NEK10: variants seen among roughly 807,000 people sequenced by gnomAD.
NEK10 encodes NIMA related kinase 10, also known as serine/threonine-protein kinase Nek10.
A neutral mutation model predicts 159.8 loss-of-function variants in NEK10; 122 were observed. The observed-to-expected ratio is 0.76, with a 90% CI of 0.66 to 0.89. NEK10 has a LOEUF of 0.89. Among genes scored for constraint, NEK10 ranks in the 40% least tolerant of loss-of-function variants. NEK10 has a pLI of 0.00. For missense variants in NEK10, 1,342 were observed against 1,323.1 expected (o/e 1.01, Z -0.22); for synonymous variants, 466 against 457.1 (o/e 1.02, Z -0.25).
intron 1 of NEK10, among the ~76,000 whole-genome samples, chr3:27,364,348 TTGTGTGTG>T (rs4016621): frequency 0.18 from 21,149 of 120,244 alleles, 2,391 homozygotes; most frequent in East Asian, 0.43. Flanking sequence ...GCCTGGCTAA[TTGTGTGTG>T]TGTGTGTGTG....
At chr3:27,355,436 C>G (rs1350261712) in intron 1 of NEK10, among the ~76,000 whole-genome samples, 1 of 152,066 alleles carries the variant, frequency 6.6e-6, no homozygotes, top group Admixed American at 6.6e-5. Context: ...ACCCCCACCC[C>G]CTAGTAACAA....
chr3:27,197,214 C>T (rs1003381335), intron 25 of NEK10, among the ~76,000 whole-genome samples: 145 of 151,878 alleles, frequency 9.5e-4, no homozygotes, highest in African/African-American at 3.2e-3. Context: ...TTGCTCTTTT[C>T]ACCCAGGCTA....
At chr3:27,130,409 GT>G (rs1942479209) in intron 32 of NEK10, among the ~76,000 whole-genome samples, 1 of 152,182 alleles carries the variant, frequency 6.6e-6, no homozygotes, top group Non-Finnish European at 1.5e-5. Context: ...AAGACAAGGA[GT>G]GGGTGGGAGA....
At chr3:27,120,898 A>T (rs937747957) in intron 32 of NEK10, among the ~76,000 whole-genome samples, 4 of 152,216 alleles carry the variant, frequency 2.6e-5, no homozygotes, top group African/African-American at 9.7e-5. Context: ...ATATAAATTC[A>T]TAATAATAAG....
intron 5 of NEK10, among the ~76,000 whole-genome samples, chr3:27,336,154 T>C (rs1214144186): frequency 6.6e-6 from 1 of 151,494 alleles, no homozygotes; most frequent in Non-Finnish European, 1.5e-5. Flanking sequence ...AAATCAGAAA[T>C]GGAAAAGGAG....
chr3:27,109,712 A>G lies in NEK10; in HGVS notation c.*1560T>C, dbSNP rs2125385614. Among the ~76,000 whole-genome samples, 1 of 152,284 alleles carries G rather than the reference A, an allele frequency of 6.6e-6. No homozygotes were observed. The highest frequency in any genetic ancestry group is 6.5e-5 in the Admixed American group (1 of 15,288). The stretch of plus-strand genomic sequence containing the variant: ...CAAATTAACTTGGAACAGAAATAAA[A>G]TTTTGCCTGGGTAAATCAATATCAT... On this transcript the variant is annotated 3_prime_UTR_variant, in exon 36 of 36. Coordinates refer to ENST00000691995, the MANE Select transcript of NEK10 (RefSeq NM_001394966.1).
At chr3:27,200,520 C>T (rs757137282) in intron 25 of NEK10, among the ~76,000 whole-genome samples, 10 of 152,122 alleles carry the variant, frequency 6.6e-5, no homozygotes, top group Non-Finnish European at 1.5e-4. Flanking sequence ...ATACACGAGT[C>T]ATTTATTCAT....
intron 35 of NEK10, 122 bp downstream of exon 35, chr3:27,115,818 T>C (rs1042661938): frequency 1.7e-5 from 12 of 704,536 alleles, no homozygotes; most frequent in Middle Eastern, 4.0e-4. Flanking sequence ...AGATATTTTA[T>C]AAAAGTATTT....
At position 27,307,922 on chromosome 3, in the gene NEK10, C is replaced by T; in HGVS notation, c.740G>A (p.Ser247Asn). Reference protein sequence around the residue: ...AESQECREKISELNIVENLLM... With the variant: ...AESQECREKINELNIVENLLM... ...CAGATTTTCTACAATGTTGAGTTCA[C>T]TTATCTTCTCCCTACATTCTTGACT... Residue 247 changes from serine to asparagine, a missense_variant, in exon 11 of 36, where the codon AGT becomes AAT. Transcript: ENST00000691995. The T allele has an allele frequency of 6.5e-7, 1 of 1,528,896 alleles. No individual in the cohort carries two copies. Among genetic ancestry groups the T allele is most frequent in the Non-Finnish European group, 9.1e-7 (1 of 1,103,872 alleles). 94.7% of individuals were successfully genotyped at this position (1,528,896 alleles called of 1,614,324 possible).
At chr3:27,206,743 G>T in intron 23 of NEK10, 1 of 396,830 alleles carries the variant, frequency 2.5e-6, no homozygotes, top group Non-Finnish European at 3.4e-6. Flanking sequence ...TAAACAATTT[G>T]CCTATTTTAT....
At chr3:27,358,402 C>G (rs1385377383) in intron 1 of NEK10, among the ~76,000 whole-genome samples, 1 of 152,142 alleles carries the variant, frequency 6.6e-6, no homozygotes, top group African/African-American at 2.4e-5. Context: ...CAGCTATAAT[C>G]ACAGTTATGA....
At chr3:27,237,416 T>G (rs983880970) in intron 23 of NEK10, among the ~76,000 whole-genome samples, 33 of 152,196 alleles carry the variant, frequency 2.2e-4, no homozygotes, top group Non-Finnish European at 4.4e-5. Flanking sequence ...ACAATTTATG[T>G]TCAGAGATTG....
At chr3:27,157,531 G>A (rs986592574) in intron 30 of NEK10, among the ~76,000 whole-genome samples, 1 of 152,176 alleles carries the variant, frequency 6.6e-6, no homozygotes, top group African/African-American at 2.4e-5. Flanking sequence ...TTGAATGGAT[G>A]AGCAGTTGCT....
At chr3:27,345,431 CA>C (rs2047484872) in intron 4 of NEK10, among the ~76,000 whole-genome samples, 1 of 152,104 alleles carries the variant, frequency 6.6e-6, no homozygotes, top group Admixed American at 6.5e-5. Context: ...GACAGGGAAA[CA>C]AAAACAAAAT....
chr3:27,194,680 G>C (rs1949415389), intron 25 of NEK10: 1 of 152,158 alleles, frequency 6.6e-6, no homozygotes, highest in Admixed American at 6.5e-5. Context: ...TGTCCTTGGA[G>C]CTAGCTGAAA....
At chr3:27,112,406 A>G (rs953513793) in intron 35 of NEK10, among the ~76,000 whole-genome samples, 7 of 152,212 alleles carry the variant, frequency 4.6e-5, no homozygotes, top group Non-Finnish European at 1.0e-4. Context: ...GTAAACTTGA[A>G]TAACACCGAA....
Position 27,265,650 on chromosome 3 carries a change from C to A in NEK10, c.2015-9279G>T, listed in dbSNP as rs1017018176. On this transcript the variant is annotated intron_variant, in intron 22 of 35. Coordinates refer to ENST00000691995, the MANE Select transcript of NEK10 (RefSeq NM_001394966.1). ...GGGCCATGCTAATCTCTGTATCACT[C>A]CAATTTTAGTATACATGCTGGCACA... The A allele has an allele frequency of 3.1e-4, 47 of 152,152 alleles. 1 individual carries two copies. The highest frequency in any genetic ancestry group is 1.1e-3 in the African/African-American group (45 of 41,420). 9.4% of individuals were successfully genotyped at this position (152,152 alleles called of 1,614,324 possible).
intron 9 of NEK10, chr3:27,309,358 A>T (rs1362894944): frequency 6.5e-6 from 1 of 154,966 alleles, no homozygotes; most frequent in Admixed American, 6.5e-5. Context: ...TAGTGAAAAA[A>T]ATTATGCCCT....
chr3:27,195,212 G>A (rs1361977688), intron 25 of NEK10, among the ~76,000 whole-genome samples: 2 of 152,100 alleles, frequency 1.3e-5, no homozygotes, highest in Non-Finnish European at 2.9e-5. Context: ...TATTTCAAAG[G>A]CTCTATCAAA....
Sources: gnomAD v4.1 joint callset for allele counts (sites outside exome capture counted in the v4.1 genomes callset) on GRCh38, gnomAD v4.1.1 for gene constraint, MANE v1.5 for transcripts, NCBI Gene and HGNC (gene_info 2026-07-23, HGNC 2026-07-21) for gene names.